HSPA14: variants seen among roughly 807,000 people sequenced by gnomAD.
The protein encoded by HSPA14 is heat shock 70 kDa protein 14.
A neutral mutation model predicts 65.5 loss-of-function variants in HSPA14; 37 were observed. That is an observed-to-expected ratio of 0.56 (90% CI 0.43 to 0.74). The LOEUF (loss-of-function observed/expected upper bound fraction) is 0.74. HSPA14 is among the 30% of genes least tolerant of loss of function. The pLI is 0.00. For missense variants in HSPA14, 564 were observed against 607.6 expected, an observed-to-expected ratio of 0.93 and a Z score of 0.75; for synonymous variants, 203 against 214.2, an observed-to-expected ratio of 0.95 and a Z score of 0.46.
intron 4 of HSPA14, 34 bp from the exon 5 acceptor site, chr10:14,848,756 T>G: frequency 6.9e-7 from 1 of 1,439,870 alleles, no homozygotes; most frequent in Non-Finnish European, 9.6e-7. Context: ...TATTAAAAAT[T>G]ATTTATTTAG....
chr10:14,857,266 T>C (rs575775536), intron 10 of HSPA14, among the ~76,000 whole-genome samples: 1 of 152,360 alleles, frequency 6.6e-6, no homozygotes, highest in Admixed American at 6.5e-5. Flanking sequence ...TTATCATATT[T>C]AGGATTATTC....
Position 14,840,024 on chromosome 10 carries a change from A to G in HSPA14, c.138+39A>G, listed in dbSNP as rs973171265. ...CATTTTTGTACTTCTGAAATAATTT[A>G]AAATTACATACATTGTAATATATAT... On this transcript the variant is annotated intron_variant, in intron 2 of 13. Transcript: ENST00000378372. 2.0e-6 allele frequency: 3 copies of G among 1,480,542 alleles called. No individual in the cohort carries two copies. In the African/African-American group the frequency reaches 4.2e-5, roughly 21 times the overall value. 91.7% of individuals were successfully genotyped at this position (1,480,542 alleles called of 1,614,324 possible).
rs150571516 is a variant in HSPA14 at position 14,854,152 on chromosome 10, T to C, written c.762T>C (p.Asn254=). 5.6e-6 allele frequency: 9 copies of C among 1,605,972 alleles called. No homozygotes were observed. Among genetic ancestry groups the C allele is most frequent in the African/African-American group, 5.4e-5 (4 of 74,488 alleles). Residue 254 remains asparagine, a synonymous_variant, in exon 9 of 14, where the codon AAT becomes AAC. Transcript: ENST00000378372. The part of the protein sequence containing the change: ...QRSFKHDVRG[N]ARAMMKLTNS... Reference sequence around the variant, plus strand: ...CCTTCAAACATGATGTGAGAGGAAATGCGCGAGCCATGATGAAATTAACGA... The same window carrying C: ...CCTTCAAACATGATGTGAGAGGAAACGCGCGAGCCATGATGAAATTAACGA...
chr10:14,870,714 G>C, intron 13 of HSPA14, 47 bp downstream of exon 13: 1 of 1,450,526 alleles, frequency 6.9e-7, no homozygotes, highest in Admixed American at 2.3e-5. Flanking sequence ...TTTGATACTT[G>C]ACCATTTTTT....
chr10:14,859,229 G>A (rs933350449), intron 10 of HSPA14, among the ~76,000 whole-genome samples: 1 of 152,288 alleles, frequency 6.6e-6, no homozygotes, highest in Admixed American at 6.5e-5. Flanking sequence ...GTGGCCACCT[G>A]TTTAGGTGAG....
Position 14,848,620 on chromosome 10 carries a change from C to T in HSPA14, c.233C>T (p.Pro78Leu). 3 of 1,610,530 alleles carry T rather than the reference C, an allele frequency of 1.9e-6. No homozygotes were observed. Among genetic ancestry groups the T allele is most frequent in the Non-Finnish European group, 2.5e-6 (3 of 1,177,598 alleles). Reference sequence around the variant, plus strand: ...TTCTTTATGGACAGCTCCAGTGATCCACAAGCTCAGAAATACATCGCGGAA... The same window carrying T: ...TTCTTTATGGACAGCTCCAGTGATCTACAAGCTCAGAAATACATCGCGGAA... ...KQILGRSSSD[P>L]QAQKYIAESK... The change falls in exon 4 of 14, where the codon CCA becomes CTA. Residue 78 changes from proline (P) to leucine (L), a missense_variant. Transcript: ENST00000378372.
intron 3 of HSPA14, among the ~76,000 whole-genome samples, chr10:14,847,576 G>A (rs867330255): frequency 5.3e-5 from 8 of 152,192 alleles, no homozygotes; most frequent in Non-Finnish European, 1.2e-4. Flanking sequence ...AGAGAAGGAA[G>A]TATGAGGAAC....
chr10:14,856,527 T>C (rs944136744), intron 10 of HSPA14, among the ~76,000 whole-genome samples: 3 of 152,198 alleles, frequency 2.0e-5, no homozygotes, highest in African/African-American at 7.2e-5. Context: ...TTCTTTTTTT[T>C]CCCCAAAATT....
chr10:14,844,741 G>T, intron 3 of HSPA14: 4 of 967,300 alleles, frequency 4.1e-6, no homozygotes, highest in Non-Finnish European at 3.7e-6. Context: ...TAAATTCTTT[G>T]CATTTCATAT....
chr10:14,851,734 G>A (rs576489986), intron 7 of HSPA14, among the ~76,000 whole-genome samples: 1 of 152,286 alleles, frequency 6.6e-6, no homozygotes, highest in African/African-American at 2.4e-5. Context: ...TTTTAATGGT[G>A]AAATACTAGA....
At position 14,840,158 on chromosome 10, in the gene HSPA14, G is replaced by A; in HGVS notation, c.221+1G>A. On this transcript the variant is annotated splice_donor_variant, in intron 3 of 13. Transcript: ENST00000378372. LOFTEE classifies it high-confidence loss of function. ...AAGTAAAGCAGATCCTGGGCAGAAG[G>A]TATGGAATCAAATGATACTTTTAAA... 1 of 1,371,752 alleles carries A rather than the reference G, an allele frequency of 7.3e-7. No homozygotes were observed. The highest frequency in any genetic ancestry group is 1.7e-5 in the South Asian group (1 of 59,114). 85.0% of individuals were successfully genotyped at this position (1,371,752 alleles called of 1,614,324 possible). A position where few individuals can be genotyped will look rare whatever the true frequency, so the allele number is the denominator to read the frequency against.
At chr10:14,841,092 T>TA in intron 3 of HSPA14, 1 of 152,302 alleles carries the variant, frequency 6.6e-6, no homozygotes, top group East Asian at 1.9e-4. Flanking sequence ...AGGTATCTCT[T>TA]ACCTGTTTAT....
chr10:14,839,683 A>G (rs1051053134), intron 1 of HSPA14, among the ~76,000 whole-genome samples: 5 of 152,218 alleles, frequency 3.3e-5, no homozygotes, highest in South Asian at 4.1e-4. Flanking sequence ...TTTTGATTCA[A>G]TTGTTGACTT....
chr10:14,840,154 G>T lies in HSPA14; in HGVS notation c.218G>T (p.Arg73Ile). ...ATGAAAGTAAAGCAGATCCTGGGCAGAAGGTATGGAATCAAATGATACTTT... is the reference window on the plus strand; with the variant it reads ...ATGAAAGTAAAGCAGATCCTGGGCATAAGGTATGGAATCAAATGATACTTT... ...TVMKVKQILG[R>I]SSSDPQAQKY... The change falls in exon 3 of 14, where the codon AGA becomes ATA. Residue 73 changes from arginine to isoleucine, a missense_variant. Coordinates refer to ENST00000378372, the MANE Select transcript of HSPA14 (RefSeq NM_016299.4). 7.2e-7 allele frequency: 1 copy of T among 1,385,838 alleles called. No homozygotes were observed. Among genetic ancestry groups the T allele is most frequent in the Admixed American group, 2.2e-5 (1 of 46,188 alleles). 85.8% of individuals were successfully genotyped at this position (1,385,838 alleles called of 1,614,324 possible).
chr10:14,843,331 A>G (rs1452638677), intron 3 of HSPA14: 2 of 1,548,968 alleles, frequency 1.3e-6, no homozygotes, highest in Admixed American at 2.0e-5. Context: ...TTCCCTTAGC[A>G]GGAATGTTCT....
In HSPA14 at chr10:14,852,266, A is replaced by G. The variant is rs113350106; in HGVS notation, c.573-104A>G. On this transcript the variant is annotated intron_variant, in intron 7 of 13. Coordinates refer to ENST00000378372, the MANE Select transcript of HSPA14 (RefSeq NM_016299.4). ...CTTAGTTATTCACCTGAGATTTTCT[A>G]TTTCCTCATTTGTAAATTAAAGGGA... The G allele has an allele frequency of 3.0e-3, 2,715 of 912,800 alleles. 39 individuals carry two copies. The African/African-American group carries it at 0.034, about 11-fold the overall frequency. 56.5% of individuals were successfully genotyped at this position (912,800 alleles called of 1,614,324 possible). A position where few individuals can be genotyped will look rare whatever the true frequency, so the allele number is the denominator to read the frequency against.
chr10:14,842,671 C>T lies in HSPA14; in HGVS notation c.221+2514C>T, dbSNP rs573646453. ...GTGATCAGAACTTAGTGGCCTCTGA[C>T]GCCCCAGGGGAAGAGGGAACCGGCA... is the stretch of plus-strand genomic sequence containing the variant. On this transcript the variant is annotated intron_variant, in intron 3 of 13. Transcript: ENST00000378372. The surrounding 1 kb of genome is among the most constrained non-coding windows in gnomAD (Gnocchi z 5.2). 8.9e-5 allele frequency: 136 copies of T among 1,536,274 alleles called. 1 individual carries two copies. The African/African-American group carries it at 1.5e-3, about 17-fold the overall frequency.
chr10:14,839,573 A>G (rs1268135095), intron 1 of HSPA14, among the ~76,000 whole-genome samples: 1 of 146,322 alleles, frequency 6.8e-6, no homozygotes, highest in Non-Finnish European at 1.5e-5. Flanking sequence ...TCCGTGTCCA[A>G]AAAAAAAAAA....
chr10:14,841,907 G>T (rs780378168), intron 3 of HSPA14, among the ~76,000 whole-genome samples: 1 of 152,158 alleles, frequency 6.6e-6, no homozygotes. Flanking sequence ...GATTTTTACA[G>T]ATCCATTGTT....
Sources: allele counts gnomAD v4.1 joint callset (sites outside exome capture counted in the v4.1 genomes callset), GRCh38; gene constraint gnomAD v4.1.1; non-coding constraint Gnocchi (gnomAD v3.1); transcripts MANE v1.5; gene names NCBI Gene and HGNC (gene_info 2026-07-23, HGNC 2026-07-21).